Variants in PRKN observed in about 807,000 individuals in gnomAD.
PRKN encodes the protein E3 ubiquitin-protein ligase parkin.
A neutral mutation model predicts 59.5 loss-of-function variants in PRKN; 56 were observed. The observed-to-expected ratio is 0.94, with a 90% CI of 0.76 to 1.18. PRKN has a LOEUF of 1.18. PRKN is among the 50% of genes most tolerant of loss of function. The probability of loss-of-function intolerance (pLI) is 0.00; values close to 1 mark genes in which losing one functional copy is unlikely to be tolerated. For synonymous variants in PRKN, 250 were observed against 222.1 expected, an observed-to-expected ratio of 1.13 and a Z score of -1.12; for missense variants, 657 against 596.4, an observed-to-expected ratio of 1.10 and a Z score of -1.06.
Position 161,393,323 on chromosome 6 carries a change from C to T in PRKN, c.1084-6446G>A, listed in dbSNP as rs1298321492. Among the ~76,000 whole-genome samples, 3 of 152,050 alleles carry T rather than the reference C, an allele frequency of 2.0e-5. No homozygotes were observed. The highest frequency in any genetic ancestry group is 2.1e-4 in the South Asian group (1 of 4,824). On this transcript the variant is annotated intron_variant, in intron 9 of 11. Coordinates refer to ENST00000366898, the MANE Select transcript of PRKN (RefSeq NM_004562.3). This position sits in a 1 kb window ranked among gnomAD's most constrained non-coding sequence, Gnocchi z 4.7. Reference sequence around the variant, plus strand: ...ATAATAATGACTGTTATGTGAATCTCGGGTAAAACTGACACCTCCCCAGAA... The same window carrying T: ...ATAATAATGACTGTTATGTGAATCTTGGGTAAAACTGACACCTCCCCAGAA...
intron 1 of PRKN, among the ~76,000 whole-genome samples, chr6:162,465,385 T>C (rs1368162588): frequency 6.6e-6 from 1 of 152,220 alleles, no homozygotes; most frequent in Non-Finnish European, 1.5e-5. Context: ...AAATTTTCTC[T>C]TCTTATGAGA....
At chr6:161,822,397 T>C (rs944405023) in intron 6 of PRKN, among the ~76,000 whole-genome samples, 9 of 152,188 alleles carry the variant, frequency 5.9e-5, no homozygotes, top group Non-Finnish European at 1.2e-4. Context: ...CACATATGGC[T>C]GGGCACGGTG....
At chr6:161,887,152 A>G (rs1219940743) in intron 6 of PRKN, among the ~76,000 whole-genome samples, 1 of 152,202 alleles carries the variant, frequency 6.6e-6, no homozygotes, top group Non-Finnish European at 1.5e-5. Flanking sequence ...GTCTCAACAT[A>G]GTTTCTTGCA....
chr6:162,720,576 G>A (rs560297111), intron 1 of PRKN, among the ~76,000 whole-genome samples: 3 of 150,442 alleles, frequency 2.0e-5, no homozygotes, highest in East Asian at 3.9e-4. Flanking sequence ...TCAGCCTCCC[G>A]AGTAGCTGGG....
At chr6:161,740,053 C>T (rs566590796) in intron 7 of PRKN, among the ~76,000 whole-genome samples, 3 of 152,294 alleles carry the variant, frequency 2.0e-5, no homozygotes, top group Admixed American at 1.3e-4. Context: ...CTGCGCCCGG[C>T]CAACACATGT....
intron 2 of PRKN, among the ~76,000 whole-genome samples, chr6:162,348,905 C>T (rs1036910826): frequency 6.6e-6 from 1 of 152,062 alleles, no homozygotes. Context: ...TAAATTATAA[C>T]ATCAGCAAAG....
At chr6:161,505,957 C>A (rs1042486327) in intron 9 of PRKN, among the ~76,000 whole-genome samples, 52 of 151,796 alleles carry the variant, frequency 3.4e-4, no homozygotes, top group African/African-American at 1.2e-3. Context: ...AGTCAGGCAG[C>A]GTGATGCCTC....
At chr6:162,188,778 G>GTTT (rs57578381) in intron 4 of PRKN, among the ~76,000 whole-genome samples, 209 of 139,218 alleles carry the variant, frequency 1.5e-3, no homozygotes, top group Non-Finnish European at 2.0e-3. Context: ...CTTAGATTTC[G>GTTT]TTTTTTTTTT....
At chr6:162,294,443 G>T (rs1781572871) in intron 2 of PRKN, among the ~76,000 whole-genome samples, 1 of 152,144 alleles carries the variant, frequency 6.6e-6, no homozygotes, top group Non-Finnish European at 1.5e-5. Flanking sequence ...GGCTTGAAAT[G>T]AGCAAGAAAT....
chr6:161,694,163 A>G (rs1042300857), intron 7 of PRKN, among the ~76,000 whole-genome samples: 46 of 152,310 alleles, frequency 3.0e-4, no homozygotes, highest in African/African-American at 1.1e-3. Flanking sequence ...AGAACTTTTG[A>G]TATCCTTCAT....
At position 162,060,204 on chromosome 6, in the gene PRKN, G is replaced by T. The variant is rs541648525; in HGVS notation, c.535-6030C>A. Among the ~76,000 whole-genome samples the T allele has an allele frequency of 3.9e-5, 6 of 152,312 alleles. No individual in the cohort carries two copies. In the East Asian group the frequency reaches 5.8e-4, roughly 15 times the overall value. On this transcript the variant is annotated intron_variant, in intron 4 of 11. Coordinates refer to ENST00000366898, the MANE Select transcript of PRKN (RefSeq NM_004562.3). ...GGCTAACATATAATCGCATATGTTT[G>T]TATGAGTAGGTATGTCCTGGGTCTC... is the stretch of plus-strand genomic sequence containing the variant.
intron 6 of PRKN, among the ~76,000 whole-genome samples, chr6:161,970,900 A>G (rs1385152704): frequency 6.6e-6 from 1 of 152,190 alleles, no homozygotes; most frequent in African/African-American, 2.4e-5. Context: ...AAGCATTATC[A>G]GGAAAAACCC....
intron 2 of PRKN, among the ~76,000 whole-genome samples, chr6:162,431,557 C>T (rs567746695): frequency 6.6e-6 from 1 of 150,902 alleles, no homozygotes; most frequent in Admixed American, 6.6e-5. Flanking sequence ...GACTCTGTCT[C>T]AAAAAAAACA....
chr6:162,090,164 A>G (rs1779420151), intron 4 of PRKN, among the ~76,000 whole-genome samples: 1 of 151,910 alleles, frequency 6.6e-6, no homozygotes, highest in South Asian at 2.1e-4. Context: ...GTGTCTGTGT[A>G]CAGGTGTGTG....
chr6:161,703,507 A>G (rs1022587054), intron 7 of PRKN, among the ~76,000 whole-genome samples: 1 of 152,188 alleles, frequency 6.6e-6, no homozygotes, highest in African/African-American at 2.4e-5. Context: ...AGAGCACTAA[A>G]GACTCCAAAT....
At position 162,080,287 on chromosome 6, in the gene PRKN, G is replaced by T. The variant is rs536276895; in HGVS notation, c.535-26113C>A. Among the ~76,000 whole-genome samples, 62 of 152,244 alleles carry T rather than the reference G, an allele frequency of 4.1e-4. 1 individual carries two copies. Among genetic ancestry groups the T allele is most frequent in the Middle Eastern group, 3.4e-3 (1 of 294 alleles). ...TTCTACAATGCTCAGGTTTGTCTAG[G>T]TGTAAAATAAGAAATAGTATCAGCT... On this transcript the variant is annotated intron_variant, in intron 4 of 11. Coordinates refer to ENST00000366898, the MANE Select transcript of PRKN (RefSeq NM_004562.3).
chr6:162,615,554 C>T (rs966625379), intron 1 of PRKN, among the ~76,000 whole-genome samples: 1 of 152,102 alleles, frequency 6.6e-6, no homozygotes. Flanking sequence ...ATGCACATGC[C>T]ACCCCAGCAA....
chr6:162,384,675 A>AC (rs1786700897), intron 2 of PRKN, among the ~76,000 whole-genome samples: 1 of 150,078 alleles, frequency 6.7e-6, no homozygotes, highest in Non-Finnish European at 1.5e-5. Context: ...AAAAAAAAAA[A>AC]CACTCATTAT....
chr6:161,746,892 A>T (rs1253596844), intron 7 of PRKN, among the ~76,000 whole-genome samples: 1 of 150,812 alleles, frequency 6.6e-6, no homozygotes, highest in Non-Finnish European at 1.5e-5. Flanking sequence ...CTATATATCT[A>T]TGTATGTATG....
Sources: allele counts gnomAD v4.1 joint callset (sites outside exome capture counted in the v4.1 genomes callset), GRCh38; gene constraint gnomAD v4.1.1; non-coding constraint Gnocchi (gnomAD v3.1); transcripts MANE v1.5; gene names NCBI Gene and HGNC (gene_info 2026-07-23, HGNC 2026-07-21).